GPC6: variants seen among roughly 807,000 people sequenced by gnomAD.
The protein encoded by GPC6 is glypican 6.
GPC6 carries 14 observed loss-of-function variants against 55.2 expected under a neutral mutation model. The ratio of observed to expected loss-of-function variants is 0.25; its 90% CI spans 0.17 to 0.40. The LOEUF is 0.40. Among genes scored for constraint, GPC6 ranks in the 10% least tolerant of loss-of-function variants. The probability of loss-of-function intolerance (pLI) is 1.00; values close to 1 mark genes in which losing one functional copy is unlikely to be tolerated. For synonymous variants in GPC6, 278 were observed against 259.6 expected, an observed-to-expected ratio of 1.07 and a Z score of -0.68; for missense variants, 641 against 708.5, an observed-to-expected ratio of 0.90 and a Z score of 1.08.
At chr13:93,659,634 C>T (rs1021247958) in intron 2 of GPC6, among the ~76,000 whole-genome samples, 7 of 151,984 alleles carry the variant, frequency 4.6e-5, no homozygotes, top group South Asian at 4.1e-4. Context: ...TCAATCCTCT[C>T]GCTTCTACTG....
intron 2 of GPC6, among the ~76,000 whole-genome samples, chr13:93,721,864 A>G (rs1883466317): frequency 1.3e-5 from 2 of 151,688 alleles, no homozygotes; most frequent in African/African-American, 4.8e-5. Flanking sequence ...TACTTATGCG[A>G]TTTTTGTGGC....
intron 2 of GPC6, among the ~76,000 whole-genome samples, chr13:93,693,177 AG>A (rs1445084953): frequency 2.0e-4 from 30 of 152,166 alleles, no homozygotes; most frequent in African/African-American, 7.2e-4. Context: ...ACACTAGTCA[AG>A]GGCTCTCCAA....
At chr13:94,373,776 T>G (rs892399057) in intron 6 of GPC6, among the ~76,000 whole-genome samples, 11 of 151,914 alleles carry the variant, frequency 7.2e-5, no homozygotes, top group Admixed American at 6.6e-4. Flanking sequence ...ATTCACCAAA[T>G]TTGAAATGAA....
rs148597271 is a variant in GPC6 at position 93,283,672 on chromosome 13, C to T, written c.160+56056C>T. ...CATGTGCGGTCTCTGTTTAGTTACA[C>T]GTAATAACAGACTACAGATCACTTT... On this transcript the variant is annotated intron_variant, in intron 1 of 8. Coordinates refer to ENST00000377047, the MANE Select transcript of GPC6 (RefSeq NM_005708.5). Among the ~76,000 whole-genome samples, 569 of 152,294 alleles carry T rather than the reference C, an allele frequency of 3.7e-3. 1 individual carries two copies. The highest frequency in any genetic ancestry group is 0.012 in the African/African-American group (507 of 41,558).
chr13:93,622,334 C>G (rs985183054), intron 2 of GPC6, among the ~76,000 whole-genome samples: 1 of 152,138 alleles, frequency 6.6e-6, no homozygotes, highest in Admixed American at 6.5e-5. Context: ...TAAGGGAACT[C>G]AAGCTTTAGG....
At chr13:94,325,369 G>A (rs561075755) in intron 6 of GPC6, among the ~76,000 whole-genome samples, 3 of 152,268 alleles carry the variant, frequency 2.0e-5, no homozygotes, top group South Asian at 2.1e-4. Context: ...CAGTCTGGAC[G>A]CCAGTAACTA....
At chr13:93,584,060 G>C (rs1877073025) in intron 2 of GPC6, among the ~76,000 whole-genome samples, 1 of 152,162 alleles carries the variant, frequency 6.6e-6, no homozygotes, top group Non-Finnish European at 1.5e-5. Flanking sequence ...GCAAGCATGT[G>C]CCTCAGTGAA....
chr13:93,895,248 A>G (rs879371822), intron 3 of GPC6, among the ~76,000 whole-genome samples: 3,790 of 55,972 alleles, frequency 0.068, 352 homozygotes, highest in East Asian at 0.25. Flanking sequence ...ATATATATAT[A>G]TATATATATA....
chr13:94,340,870 C>T (rs1457001137), intron 6 of GPC6, among the ~76,000 whole-genome samples: 1 of 152,192 alleles, frequency 6.6e-6, no homozygotes, highest in Non-Finnish European at 1.5e-5. Flanking sequence ...TTTTAATATG[C>T]GCCCCTTGCT....
intron 3 of GPC6, among the ~76,000 whole-genome samples, chr13:93,838,946 G>A (rs1887845152): frequency 6.6e-6 from 1 of 152,160 alleles, no homozygotes; most frequent in Non-Finnish European, 1.5e-5. Context: ...AGAAGAATCA[G>A]GATCAGATGA....
At chr13:94,316,629 A>G (rs967456579) in intron 6 of GPC6, among the ~76,000 whole-genome samples, 1 of 150,406 alleles carries the variant, frequency 6.6e-6, no homozygotes, top group Non-Finnish European at 1.5e-5. Context: ...AGGCAGGAGA[A>G]TGGCGTGAAC....
intron 3 of GPC6, among the ~76,000 whole-genome samples, chr13:93,958,393 A>T (rs1879608542): frequency 6.6e-6 from 1 of 152,156 alleles, no homozygotes. Context: ...GGTGAAAGGT[A>T]AGAATCCAGT....
chr13:93,822,050 A>G (rs531607065), intron 2 of GPC6, among the ~76,000 whole-genome samples: 11 of 147,428 alleles, frequency 7.5e-5, no homozygotes, highest in African/African-American at 2.8e-4. Flanking sequence ...CATGATATAC[A>G]TAAAGTACAT....
chr13:94,295,023 A>G (rs1212257162), intron 5 of GPC6, among the ~76,000 whole-genome samples: 2 of 152,206 alleles, frequency 1.3e-5, no homozygotes, highest in Non-Finnish European at 2.9e-5. Flanking sequence ...TGAAAATATA[A>G]TGCCAGAGAG....
At chr13:93,319,780 C>T (rs777032109) in intron 1 of GPC6, among the ~76,000 whole-genome samples, 19 of 151,926 alleles carry the variant, frequency 1.3e-4, no homozygotes, top group Non-Finnish European at 1.9e-4. Flanking sequence ...AATTTCAGAA[C>T]GCTAGGCATG....
In GPC6 at chr13:94,010,937, A is replaced by G. The variant is rs116555948; in HGVS notation, c.712-16792A>G. On this transcript the variant is annotated intron_variant, in intron 3 of 8. Transcript: ENST00000377047. Reference sequence around the variant, plus strand: ...TATCCTTAACATGGTCTCATTGGCTACAATAGAAATGGACAAGAGCATCAT... The same window carrying G: ...TATCCTTAACATGGTCTCATTGGCTGCAATAGAAATGGACAAGAGCATCAT... 2.5e-3 allele frequency among the ~76,000 whole-genome samples: 382 copies of G among 152,300 alleles called. 1 individual carries two copies. The highest frequency in any genetic ancestry group is 8.9e-3 in the African/African-American group (368 of 41,566).
rs571167725 is a variant in GPC6 at position 93,396,915 on chromosome 13, C to A, written c.161-148348C>A. 6.7e-4 allele frequency among the ~76,000 whole-genome samples: 102 copies of A among 152,182 alleles called. 1 individual carries two copies. Among genetic ancestry groups the A allele is most frequent in the South Asian group, 2.3e-3 (11 of 4,820 alleles). ...AATTTCACAACCTTCCCTTATTATG[C>A]AACTTTTCATCCTACATTTTCCATT... is the stretch of plus-strand genomic sequence containing the variant. On this transcript the variant is annotated intron_variant, in intron 1 of 8. Transcript: ENST00000377047.
chr13:94,160,877 T>A (rs190176005), intron 4 of GPC6, among the ~76,000 whole-genome samples: 1 of 152,214 alleles, frequency 6.6e-6, no homozygotes, highest in Non-Finnish European at 1.5e-5. Context: ...ACAAAAGATA[T>A]CTTCCCAGAT....
intron 1 of GPC6, among the ~76,000 whole-genome samples, chr13:93,333,621 C>T (rs1485560567): frequency 6.6e-6 from 1 of 151,300 alleles, no homozygotes; most frequent in Non-Finnish European, 1.5e-5. Context: ...CCACCTCTAC[C>T]TCCTGGCTCA....
Sources: gnomAD v4.1 joint callset for allele counts (sites outside exome capture counted in the v4.1 genomes callset) on GRCh38, gnomAD v4.1.1 for gene constraint, MANE v1.5 for transcripts, NCBI Gene and HGNC (gene_info 2026-07-23, HGNC 2026-07-21) for gene names.